CTNNA3: variants seen among roughly 807,000 people sequenced by gnomAD.
The protein encoded by CTNNA3 is catenin alpha 3, also known as catenin alpha-3.
CTNNA3 carries 76 observed loss-of-function variants against 95.7 expected under a neutral mutation model. The ratio of observed to expected loss-of-function variants is 0.79; its 90% CI spans 0.66 to 0.96. CTNNA3 has a LOEUF of 0.96. CTNNA3 is among the 40% of genes least tolerant of loss of function. The pLI is 0.00. For synonymous variants in CTNNA3, 431 were observed against 374.4 expected (o/e 1.15, Z -1.74); for missense variants, 1,191 against 1,089.8 (o/e 1.09, Z -1.31).
intron 13 of CTNNA3, among the ~76,000 whole-genome samples, chr10:66,262,020 C>G (rs1243258723): frequency 6.6e-6 from 1 of 151,950 alleles, no homozygotes; most frequent in Non-Finnish European, 1.5e-5. Flanking sequence ...TCTGCTGTAA[C>G]CTCGTGTCTC....
intron 6 of CTNNA3, among the ~76,000 whole-genome samples, chr10:67,195,313 A>T (rs1012217520): frequency 2.0e-5 from 3 of 152,074 alleles, no homozygotes; most frequent in Non-Finnish European, 4.4e-5. Context: ...GATCTAAAAT[A>T]GCAGGGCTCT....
At chr10:65,968,274 G>A (rs2078020922) in intron 16 of CTNNA3, among the ~76,000 whole-genome samples, 1 of 152,076 alleles carries the variant, frequency 6.6e-6, no homozygotes, top group Admixed American at 6.5e-5. Flanking sequence ...TATTCAGGAG[G>A]CTGAGGTGGG....
chr10:67,658,972 T>C (rs1840103218), intron 1 of CTNNA3, among the ~76,000 whole-genome samples: 1 of 152,082 alleles, frequency 6.6e-6, no homozygotes, highest in Non-Finnish European at 1.5e-5. Flanking sequence ...CCCCCAAAAA[T>C]GATGAGTTTT....
At chr10:66,628,922 A>C (rs1845035578) in intron 9 of CTNNA3, among the ~76,000 whole-genome samples, 1 of 152,092 alleles carries the variant, frequency 6.6e-6, no homozygotes, top group Admixed American at 6.6e-5. Context: ...AGAAGTTACT[A>C]GTTTATTGAT....
chr10:66,869,645 G>A (rs960861887), intron 7 of CTNNA3, among the ~76,000 whole-genome samples: 1 of 151,964 alleles, frequency 6.6e-6, no homozygotes, highest in Non-Finnish European at 1.5e-5. Flanking sequence ...AAGTAGTAGA[G>A]GAGACAAACT....
chr10:66,630,817 T>C (rs768645120), intron 9 of CTNNA3, among the ~76,000 whole-genome samples: 4 of 152,176 alleles, frequency 2.6e-5, no homozygotes, highest in Non-Finnish European at 4.4e-5. Flanking sequence ...CTAATATAAC[T>C]GTGCTGTAAA....
chr10:65,962,007 A>T (rs2077854862), intron 17 of CTNNA3, among the ~76,000 whole-genome samples: 1 of 152,156 alleles, frequency 6.6e-6, no homozygotes, highest in South Asian at 2.1e-4. Flanking sequence ...TAGACCGCCC[A>T]TTCGCAGACT....
intron 13 of CTNNA3, among the ~76,000 whole-genome samples, chr10:66,122,797 A>C (rs1187249647): frequency 6.6e-6 from 1 of 152,212 alleles, no homozygotes; most frequent in Admixed American, 6.5e-5. Flanking sequence ...GCAGACAAAG[A>C]GAGAGCTTGT....
At chr10:67,675,430 C>T (rs572873214) in intron 1 of CTNNA3, among the ~76,000 whole-genome samples, 2 of 152,190 alleles carry the variant, frequency 1.3e-5, no homozygotes, top group South Asian at 4.1e-4. Flanking sequence ...AGATCTGCTC[C>T]ACATTTTTCT....
chr10:67,022,898 A>G (rs961959908), intron 7 of CTNNA3, among the ~76,000 whole-genome samples: 12 of 152,176 alleles, frequency 7.9e-5, no homozygotes, highest in Admixed American at 7.9e-4. Flanking sequence ...AGATCATGCC[A>G]TTGCACTCCA....
chr10:66,511,401 T>A lies in CTNNA3; in HGVS notation c.1531+9216A>T, dbSNP rs1840653024. 2.6e-5 allele frequency among the ~76,000 whole-genome samples: 4 copies of A among 151,796 alleles called. No homozygotes were observed. In the South Asian group the frequency reaches 8.3e-4, roughly 31 times the overall value. On this transcript the variant is annotated intron_variant, in intron 11 of 17. Coordinates refer to ENST00000433211, the MANE Select transcript of CTNNA3 (RefSeq NM_013266.4). The stretch of plus-strand genomic sequence containing the variant: ...TGCTGATCTTTATTATTTATTTTCC[T>A]CTATTAACTTTGGGTTTGGCGTGTT...
chr10:67,455,899 G>C (rs1258565426), intron 5 of CTNNA3, among the ~76,000 whole-genome samples: 2 of 152,114 alleles, frequency 1.3e-5, no homozygotes, highest in Non-Finnish European at 2.9e-5. Context: ...ATAAAATGTA[G>C]AGTTTAGTTA....
At position 66,364,617 on chromosome 10, in the gene CTNNA3, T is replaced by C. The variant is rs569785801; in HGVS notation, c.1732+14535A>G. ...AAATAGCAAATAAATTAATGCATTG[T>C]AGACAAATGAGTCTTAAATTTATTT... On this transcript the variant is annotated intron_variant, in intron 12 of 17. Transcript: ENST00000433211. Among the ~76,000 whole-genome samples, 14 of 152,314 alleles carry C rather than the reference T, an allele frequency of 9.2e-5. No homozygotes were observed. The East Asian group carries it at 2.7e-3, about 29-fold the overall frequency.
At chr10:66,980,929 A>ATTC (rs1850394372) in intron 7 of CTNNA3, among the ~76,000 whole-genome samples, 1 of 145,378 alleles carries the variant, frequency 6.9e-6, no homozygotes, top group African/African-American at 2.4e-5. Context: ...TTTTTGAGAC[A>ATTC]GAGTTTCACT....
intron 9 of CTNNA3, among the ~76,000 whole-genome samples, chr10:66,750,956 A>G (rs1271966383): frequency 6.6e-6 from 1 of 152,180 alleles, no homozygotes; most frequent in Non-Finnish European, 1.5e-5. Flanking sequence ...GTTAAGGTGT[A>G]AATGATAATA....
chr10:66,591,956 T>G (rs932381116), intron 10 of CTNNA3, among the ~76,000 whole-genome samples: 18 of 152,106 alleles, frequency 1.2e-4, no homozygotes, highest in Non-Finnish European at 1.9e-4. Context: ...TTAGCAAGTT[T>G]TATTTGACCT....
chr10:66,242,412 A>G (rs946557204), intron 13 of CTNNA3, among the ~76,000 whole-genome samples: 1 of 152,176 alleles, frequency 6.6e-6, no homozygotes, highest in Non-Finnish European at 1.5e-5. Context: ...CAGATTGGAG[A>G]CGAAAATGAT....
chr10:67,455,433 C>G (rs1190437112), intron 5 of CTNNA3, among the ~76,000 whole-genome samples: 3 of 152,088 alleles, frequency 2.0e-5, no homozygotes, highest in African/African-American at 7.2e-5. Context: ...TTAAATCTCC[C>G]CACCTTGAGT....
chr10:66,634,573 G>GTGTC (rs1491100949), intron 9 of CTNNA3, among the ~76,000 whole-genome samples: 4 of 16,586 alleles, frequency 2.4e-4, no homozygotes, highest in South Asian at 1.7e-3. Context: ...TCTGTGCATG[G>GTGTC]TGTGTGTGTG....
Sources: gnomAD v4.1 joint callset for allele counts (sites outside exome capture counted in the v4.1 genomes callset) on GRCh38, gnomAD v4.1.1 for gene constraint, MANE v1.5 for transcripts, NCBI Gene and HGNC (gene_info 2026-07-23, HGNC 2026-07-21) for gene names.